Variants in SAMD5 observed in about 807,000 individuals in gnomAD.
The protein encoded by SAMD5 is sterile alpha motif domain-containing protein 5.
SAMD5 carries 13 observed loss-of-function variants against 11.3 expected under a neutral mutation model. The ratio of observed to expected loss-of-function variants is 1.15; its 90% CI spans 0.75 to 1.83. The LOEUF (loss-of-function observed/expected upper bound fraction) is 1.83, where lower values mean the gene tolerates loss of function less well. SAMD5 is among the 40% of genes most tolerant of loss of function. The probability of loss-of-function intolerance (pLI) is 0.00; values close to 1 mark genes in which losing one functional copy is unlikely to be tolerated. For synonymous variants in SAMD5, 129 were observed against 111.3 expected (o/e 1.16, Z -1.00); for missense variants, 255 against 239.1 (o/e 1.07, Z -0.44).
At chr6:147,686,116 T>C (rs1320028643) in intron 1 of SAMD5, among the ~76,000 whole-genome samples, 1 of 152,342 alleles carries the variant, frequency 6.6e-6, no homozygotes, top group East Asian at 1.9e-4. Flanking sequence ...TATCTATTCA[T>C]ATATTTTGCC....
rs569495798 is a variant in SAMD5, at chr6:147,566,995, A to G, written c.*2539A>G. 1 of 831,368 alleles carries G rather than the reference A, an allele frequency of 1.2e-6. No individual in the cohort carries two copies. The highest frequency in any genetic ancestry group is 1.4e-6 in the Non-Finnish European group (1 of 689,868). The allele number at this position is 831,368 out of a possible 1,614,324, so 51.5% of individuals were successfully genotyped here. On this transcript the variant is annotated 3_prime_UTR_variant, in exon 2 of 2. Coordinates refer to ENST00000367474, the MANE Select transcript of SAMD5 (RefSeq NM_001030060.3). ...AAGTAGCAATTGACTAAGAATAAAT[A>G]TGTTATAAAAACTAGGGGATTATCT...
chr6:147,566,132 C>T lies in SAMD5; in HGVS notation c.*1676C>T. On this transcript the variant is annotated 3_prime_UTR_variant, in exon 2 of 2. Coordinates refer to ENST00000367474, the MANE Select transcript of SAMD5 (RefSeq NM_001030060.3). ...AAAATCTGAAGTTTAAATAGTTTAG[C>T]TATTTCTGTAGGTTAATTCAGGCAC... 2.0e-6 allele frequency: 2 copies of T among 982,274 alleles called. No individual in the cohort carries two copies. The highest frequency in any genetic ancestry group is 2.4e-6 in the Non-Finnish European group (2 of 827,110). The allele number at this position is 982,274 out of a possible 1,614,324, so 60.8% of individuals were successfully genotyped here.
At chr6:147,592,612 T>A (rs1353920016) in intron 1 of SAMD5, among the ~76,000 whole-genome samples, 1 of 152,018 alleles carries the variant, frequency 6.6e-6, no homozygotes, top group Non-Finnish European at 1.5e-5. Flanking sequence ...TAGGTTCATG[T>A]GTTAATAACA....
At chr6:147,924,759 T>C in the SAMD5 span, among the ~76,000 whole-genome samples, 7 of 149,718 alleles carry the variant, frequency 4.7e-5, no homozygotes, top group South Asian at 1.5e-3. Context: ...CTTGTGAGGA[T>C]AGGTGTTTTA....
the SAMD5 span, among the ~76,000 whole-genome samples, chr6:147,802,499 C>A: frequency 8.5e-5 from 13 of 152,328 alleles, no homozygotes; most frequent in African/African-American, 3.1e-4. Context: ...AGTAGTATAG[C>A]AGTTTCTTAT....
the SAMD5 span, among the ~76,000 whole-genome samples, chr6:147,851,773 C>T: frequency 6.6e-6 from 1 of 152,062 alleles, no homozygotes; most frequent in South Asian, 2.1e-4. Flanking sequence ...ATCAACTGTC[C>T]CCTCCAGCCA....
intron 1 of SAMD5, among the ~76,000 whole-genome samples, chr6:147,555,782 G>C (rs1788845648): frequency 6.6e-6 from 1 of 152,190 alleles, no homozygotes; most frequent in African/African-American, 2.4e-5. Context: ...CACATGGCAA[G>C]TGACTTTTAA....
chr6:147,665,580 T>C (rs9386189), intron 1 of SAMD5, among the ~76,000 whole-genome samples: 67,672 of 152,028 alleles, frequency 0.45, 15,219 homozygotes, highest in East Asian at 0.54. Flanking sequence ...GGTCAAGATT[T>C]ATGCCTGATG....
intron 1 of SAMD5, among the ~76,000 whole-genome samples, chr6:147,675,092 A>T (rs528774306): frequency 6.6e-6 from 1 of 152,266 alleles, no homozygotes; most frequent in South Asian, 2.1e-4. Flanking sequence ...TGTATAAAGA[A>T]CCTCATGTAT....
chr6:147,666,061 C>T (rs896299023), intron 1 of SAMD5, among the ~76,000 whole-genome samples: 1 of 152,098 alleles, frequency 6.6e-6, no homozygotes, highest in Non-Finnish European at 1.5e-5. Flanking sequence ...GCCTCGGCCT[C>T]CCGAGTAGCT....
intron 1 of SAMD5, among the ~76,000 whole-genome samples, chr6:147,559,139 G>A (rs1239230186): frequency 6.6e-6 from 1 of 152,212 alleles, no homozygotes; most frequent in Non-Finnish European, 1.5e-5. Context: ...ACTCCAGGCG[G>A]TAAGGCGGCA....
intron 1 of SAMD5, among the ~76,000 whole-genome samples, chr6:147,656,022 A>G (rs1790561275): frequency 6.6e-6 from 1 of 152,210 alleles, no homozygotes; most frequent in Admixed American, 6.5e-5. Flanking sequence ...CAAACACCAG[A>G]GTCATCTAAT....
intron 1 of SAMD5, among the ~76,000 whole-genome samples, chr6:147,671,889 A>ATTTTTTTTTTTTTTTTTTT (rs56865442): frequency 1.0e-5 from 1 of 98,070 alleles, no homozygotes; most frequent in Non-Finnish European, 2.0e-5. Context: ...CTTTTTCAGG[A>ATTTTTTTTTTTTTTTTTTT]TTTTTTTTTT....
At chr6:147,737,166 T>C (rs938737714) in intron 1 of SAMD5, among the ~76,000 whole-genome samples, 27 of 152,276 alleles carry the variant, frequency 1.8e-4, no homozygotes, top group Non-Finnish European at 1.6e-4. Flanking sequence ...TATAGTAATG[T>C]ATTTTTTTAT....
At chr6:147,539,953 C>T (rs1363966940) in intron 1 of SAMD5, among the ~76,000 whole-genome samples, 3 of 152,112 alleles carry the variant, frequency 2.0e-5, no homozygotes, top group Non-Finnish European at 2.9e-5. Context: ...CCACAGGTAA[C>T]GTCCCACATG....
rs1019221251 is a variant in SAMD5 at position 147,565,985 on chromosome 6, A to G, written c.*1529A>G. ...ACCGTCATGGTAAGAAGAATAAGAA[A>G]CTCTCAAAGGAAAAGAAACTTACAT... On this transcript the variant is annotated 3_prime_UTR_variant, in exon 2 of 2. Coordinates refer to ENST00000367474, the MANE Select transcript of SAMD5 (RefSeq NM_001030060.3). 1.0e-6 allele frequency: 1 copy of G among 985,008 alleles called. No individual in the cohort carries two copies. The allele number at this position is 985,008 out of a possible 1,614,324, so 61.0% of individuals were successfully genotyped here. A position where few individuals can be genotyped will look rare whatever the true frequency, so the allele number is the denominator to read the frequency against.
At chr6:147,640,519 A>AAAAAAAAAAAAC (rs1790296357) in intron 1 of SAMD5, among the ~76,000 whole-genome samples, 1 of 150,568 alleles carries the variant, frequency 6.6e-6, no homozygotes, top group Non-Finnish European at 1.5e-5. Context: ...AAAAAAAAAA[A>AAAAAAAAAAAAC]AAAGAATAAC....
intron 1 of SAMD5, among the ~76,000 whole-genome samples, chr6:147,542,569 A>G (rs1211537464): frequency 6.6e-6 from 1 of 152,040 alleles, no homozygotes; most frequent in African/African-American, 2.4e-5. Context: ...CAGGGATGAA[A>G]TCATAGGAAG....
chr6:147,906,709 CAT>C, the SAMD5 span, among the ~76,000 whole-genome samples: 1 of 152,186 alleles, frequency 6.6e-6, no homozygotes, highest in Non-Finnish European at 1.5e-5. Context: ...TACATAAAAT[CAT>C]AAACTACCTT....
Sources: allele counts gnomAD v4.1 joint callset (sites outside exome capture counted in the v4.1 genomes callset), GRCh38; gene constraint gnomAD v4.1.1; transcripts MANE v1.5; gene names NCBI Gene and HGNC (gene_info 2026-07-23, HGNC 2026-07-21).